The following SPRED2 variants were observed in gnomAD, a reference collection of about 807,000 sequenced individuals.
The protein encoded by SPRED2 is sprouty-related, EVH1 domain-containing protein 2.
Under a neutral mutation model 43.0 loss-of-function variants are expected in SPRED2, and 47 were observed. That is an observed-to-expected ratio of 1.09 (90% CI 0.87 to 1.40). SPRED2 has a LOEUF of 1.40. Ranked by LOEUF, SPRED2 falls within the 40% of genes most tolerant of loss-of-function variation. The pLI is 0.00. For synonymous variants in SPRED2, 225 were observed against 225.7 expected, an observed-to-expected ratio of 1.00 and a Z score of 0.03; for missense variants, 561 against 586.4, an observed-to-expected ratio of 0.96 and a Z score of 0.45.
At chr2:65,309,204 A>G (rs1223094267), downstream of SPRED2, among the ~76,000 whole-genome samples, 3 of 151,686 alleles carry the variant, frequency 2.0e-5, no homozygotes, top group African/African-American at 7.3e-5. Flanking sequence ...GTTAAGAAAA[A>G]ACAAAACAAA....
chr2:65,344,734 T>A lies in SPRED2; in HGVS notation c.189A>T (p.Arg63=). The A allele has an allele frequency of 1.2e-6, 2 of 1,614,158 alleles. No individual in the cohort carries two copies. Among genetic ancestry groups the A allele is most frequent in the African/African-American group, 1.3e-5 (1 of 75,048 alleles). ...GRSGFLIHGE[R]QKDKLVVLEC... ...CTGCCATTACCAGTTTGTCTTTCTG[T>A]CGTTCACCATGGATGAGAAAGCCGC... Residue 63 remains arginine (R), a synonymous_variant, in exon 2 of 6, where the codon CGA becomes CGT. Coordinates refer to ENST00000356388, the MANE Select transcript of SPRED2 (RefSeq NM_181784.3).
chr2:65,387,311 A>G (rs1280745590), intron 1 of SPRED2, among the ~76,000 whole-genome samples: 2 of 152,196 alleles, frequency 1.3e-5, no homozygotes. Flanking sequence ...GAATACAGTC[A>G]TTGCTCTCTA....
intron 1 of SPRED2, among the ~76,000 whole-genome samples, chr2:65,410,737 T>C (rs1676138002): frequency 7.0e-6 from 1 of 143,190 alleles, no homozygotes; most frequent in Non-Finnish European, 1.5e-5. Flanking sequence ...TCATCCTGGG[T>C]GACAGAGCGA....
intron 1 of SPRED2, among the ~76,000 whole-genome samples, chr2:65,350,507 T>C (rs532789040): frequency 5.5e-4 from 83 of 152,232 alleles, no homozygotes; most frequent in Middle Eastern, 6.8e-3. Context: ...CTCAATACCA[T>C]ATTCTTTAGT....
intron 3 of SPRED2, among the ~76,000 whole-genome samples, chr2:65,332,816 C>T (rs764136958): frequency 2.6e-5 from 4 of 152,160 alleles, no homozygotes; most frequent in Non-Finnish European, 5.9e-5. Context: ...CCTACTTCCC[C>T]CCACCACCCT....
chr2:65,357,167 G>T (rs1674676292), intron 1 of SPRED2, among the ~76,000 whole-genome samples: 1 of 152,160 alleles, frequency 6.6e-6, no homozygotes, highest in Non-Finnish European at 1.5e-5. Context: ...CAGATGGCAA[G>T]AATTACTAAT....
intron 1 of SPRED2, among the ~76,000 whole-genome samples, chr2:65,356,536 CT>C (rs1274369940): frequency 6.7e-3 from 405 of 60,598 alleles, no homozygotes; most frequent in Middle Eastern, 0.035. Context: ...CCAGTTCCCT[CT>C]TTTTTTTTTT....
At chr2:65,413,407 A>G (rs1234861889) in intron 1 of SPRED2, among the ~76,000 whole-genome samples, 1 of 152,196 alleles carries the variant, frequency 6.6e-6, no homozygotes, top group African/African-American at 2.4e-5. Context: ...CTGGGTTCCC[A>G]CGTTATGAAG....
At chr2:65,366,531 A>T in intron 1 of SPRED2, 1 of 1,516,320 alleles carries the variant, frequency 6.6e-7, no homozygotes, top group Non-Finnish European at 8.9e-7. Context: ...AGGCACCAGA[A>T]AGGTTAAGAA....
At chr2:65,425,750 T>C (rs1389168252) in intron 1 of SPRED2, among the ~76,000 whole-genome samples, 1 of 152,234 alleles carries the variant, frequency 6.6e-6, no homozygotes, top group Non-Finnish European at 1.5e-5. Flanking sequence ...AAAAGCACCA[T>C]CACAATGTTC....
intron 1 of SPRED2, among the ~76,000 whole-genome samples, chr2:65,345,581 A>G (rs572333056): frequency 6.6e-6 from 1 of 152,314 alleles, no homozygotes; most frequent in Non-Finnish European, 1.5e-5. Flanking sequence ...TTAAGACGGT[A>G]TTATGGTTTC....
chr2:65,406,498 A>G (rs1676026267), intron 1 of SPRED2, among the ~76,000 whole-genome samples: 1 of 152,204 alleles, frequency 6.6e-6, no homozygotes. Context: ...AAGCTTTTAG[A>G]AAGGCAGTGA....
chr2:65,429,451 C>G (rs561633052), intron 1 of SPRED2, among the ~76,000 whole-genome samples: 1 of 152,146 alleles, frequency 6.6e-6, no homozygotes, highest in Non-Finnish European at 1.5e-5. Flanking sequence ...AAAAATCTAA[C>G]CAAATATGGC....
intron 5 of SPRED2, among the ~76,000 whole-genome samples, chr2:65,316,262 T>C (rs1278720732): frequency 6.6e-6 from 1 of 152,210 alleles, no homozygotes; most frequent in Non-Finnish European, 1.5e-5. Context: ...CTGTAGCCTG[T>C]AAGGCTGGGG....
intron 1 of SPRED2, among the ~76,000 whole-genome samples, chr2:65,367,713 A>C (rs1675015030): frequency 6.6e-6 from 1 of 152,146 alleles, no homozygotes; most frequent in Admixed American, 6.5e-5. Flanking sequence ...TTCCTTATGC[A>C]TTCTCTGAGG....
rs183272668 is a variant in SPRED2 at position 65,390,805 on chromosome 2, G to T, written c.26+41157C>A. Among the ~76,000 whole-genome samples the T allele has an allele frequency of 7.2e-5, 11 of 152,214 alleles. No homozygotes were observed. The East Asian group carries it at 1.7e-3, about 24-fold the overall frequency. Reference sequence around the variant, plus strand: ...TATCATCAGAAAATCTACTCCCTGGGCCAAGCACAGTGGCTCATGCCTGTA... The same window carrying T: ...TATCATCAGAAAATCTACTCCCTGGTCCAAGCACAGTGGCTCATGCCTGTA... On this transcript the variant is annotated intron_variant, in intron 1 of 5. Transcript: ENST00000356388.
At chr2:65,348,107 T>A (rs1482244484) in intron 1 of SPRED2, among the ~76,000 whole-genome samples, 1 of 152,156 alleles carries the variant, frequency 6.6e-6, no homozygotes, top group Non-Finnish European at 1.5e-5. Flanking sequence ...CCCACTGGCC[T>A]CCATATTAAG....
intron 1 of SPRED2, among the ~76,000 whole-genome samples, chr2:65,374,900 T>A (rs1243215599): frequency 6.6e-6 from 1 of 152,204 alleles, no homozygotes; most frequent in African/African-American, 2.4e-5. Flanking sequence ...CTCTCAGGTA[T>A]CCCCAAGAGT....
rs554899607 is a variant in SPRED2 at position 65,385,267 on chromosome 2, C to T, written c.27-40371G>A. 3.9e-5 allele frequency among the ~76,000 whole-genome samples: 6 copies of T among 152,270 alleles called. No homozygotes were observed. In the South Asian group the frequency reaches 1.0e-3, roughly 26 times the overall value. On this transcript the variant is annotated intron_variant, in intron 1 of 5. Transcript: ENST00000356388. ...CATTGCAGGTGTGAGCCACCACGCC[C>T]GGCCTGCTTTCCACTTCTAATGAAT...
Sources: allele counts gnomAD v4.1 joint callset (sites outside exome capture counted in the v4.1 genomes callset), GRCh38; gene constraint gnomAD v4.1.1; transcripts MANE v1.5; gene names NCBI Gene and HGNC (gene_info 2026-07-23, HGNC 2026-07-21).